Variants in ANKRD12 observed in about 807,000 individuals in gnomAD.
ANKRD12 encodes the protein ankyrin repeat domain-containing protein 12.
A neutral mutation model predicts 183.4 loss-of-function variants in ANKRD12; 85 were observed. The observed-to-expected ratio is 0.46, with a 90% CI of 0.39 to 0.56. The LOEUF (loss-of-function observed/expected upper bound fraction) is 0.56, where lower values mean the gene tolerates loss of function less well. Among genes scored for constraint, ANKRD12 ranks in the 20% least tolerant of loss-of-function variants. The probability of loss-of-function intolerance (pLI) is 0.00; values close to 1 mark genes in which losing one functional copy is unlikely to be tolerated. For missense variants in ANKRD12, 2,405 were observed against 2,357.1 expected, an observed-to-expected ratio of 1.02 and a Z score of -0.42; for synonymous variants, 914 against 800.2, an observed-to-expected ratio of 1.14 and a Z score of -2.40.
At chr18:9,197,041 C>T (rs2034874750) in intron 3 of ANKRD12, among the ~76,000 whole-genome samples, 1 of 152,016 alleles carries the variant, frequency 6.6e-6, no homozygotes, top group Non-Finnish European at 1.5e-5. Context: ...GAGTATATTT[C>T]TGATAGCTGT....
At position 9,178,343 on chromosome 18, in the gene ANKRD12, C is replaced by CTCTCTCTCTCTT. The variant is rs35964343; in HGVS notation, c.-51-4039_-51-4038insTCTCTCTCTCTT. ...AGATTCTCTCTCTCTCTCTCTCTCT[C>CTCTCTCTCTCTT]GTTTTTTGCATTTGGATATACAGTT... On this transcript the variant is annotated intron_variant, in intron 1 of 12. Transcript: ENST00000262126. Among the ~76,000 whole-genome samples the CTCTCTCTCTCTT allele has an allele frequency of 4.1e-3, 613 of 151,110 alleles. 4 individuals carry two copies. The highest frequency in any genetic ancestry group is 0.014 in the African/African-American group (589 of 41,212).
At chr18:9,251,249 C>T (rs2038280089) in intron 8 of ANKRD12, among the ~76,000 whole-genome samples, 1 of 152,108 alleles carries the variant, frequency 6.6e-6, no homozygotes. Flanking sequence ...TGTTATCTCC[C>T]CGCATCAGCC....
intron 2 of ANKRD12, among the ~76,000 whole-genome samples, chr18:9,189,194 A>T (rs959253280): frequency 1.3e-5 from 2 of 152,214 alleles, no homozygotes; most frequent in African/African-American, 4.8e-5. Flanking sequence ...TAGAAGATCA[A>T]ACCAGCTACA....
At chr18:9,246,309 T>G (rs938710568) in intron 8 of ANKRD12, among the ~76,000 whole-genome samples, 5 of 152,318 alleles carry the variant, frequency 3.3e-5, no homozygotes, top group African/African-American at 1.2e-4. Flanking sequence ...CAAATAACTG[T>G]CAATTATGAC....
At chr18:9,265,885 C>T (rs1440713504) in intron 10 of ANKRD12, among the ~76,000 whole-genome samples, 3 of 152,006 alleles carry the variant, frequency 2.0e-5, no homozygotes, top group Non-Finnish European at 4.4e-5. Context: ...AAAGATTAGA[C>T]GAATGGCTAA....
In ANKRD12 at chr18:9,222,679, C is replaced by T. The variant is rs142186914; in HGVS notation, c.943+680C>T. ...TAGGTAATGCTACTTTTATATTACA[C>T]ATGAGGGAATAAAAACCATACTTCA... On this transcript the variant is annotated intron_variant, in intron 8 of 12. Transcript: ENST00000262126. Among the ~76,000 whole-genome samples, 564 of 152,222 alleles carry T rather than the reference C, an allele frequency of 3.7e-3. 6 individuals are homozygous for T. Among genetic ancestry groups the T allele is most frequent in the African/African-American group, 0.013 (543 of 41,528 alleles).
chr18:9,194,327 T>TTTTACTTA (rs2034638128), intron 2 of ANKRD12, among the ~76,000 whole-genome samples: 1 of 144,550 alleles, frequency 6.9e-6, no homozygotes, highest in Non-Finnish European at 1.5e-5. Flanking sequence ...ATATAGATAA[T>TTTTACTTA]TTTATTTATT....
chr18:9,236,723 T>C (rs927929130), intron 8 of ANKRD12, among the ~76,000 whole-genome samples: 3 of 152,240 alleles, frequency 2.0e-5, no homozygotes, highest in Non-Finnish European at 4.4e-5. Context: ...ATAATATTTA[T>C]GCAAATAATA....
chr18:9,252,217 A>G (rs2038337965), intron 8 of ANKRD12, among the ~76,000 whole-genome samples: 1 of 152,146 alleles, frequency 6.6e-6, no homozygotes, highest in African/African-American at 2.4e-5. Context: ...TATGTTCTTG[A>G]GTGATTAAAT....
intron 3 of ANKRD12, among the ~76,000 whole-genome samples, chr18:9,198,127 T>G (rs1178195679): frequency 6.6e-6 from 1 of 152,232 alleles, no homozygotes. Flanking sequence ...TGATCTTTTT[T>G]ATGTAGTATT....
chr18:9,281,646 T>C lies in ANKRD12; in HGVS notation c.*520T>C, dbSNP rs1477587534. On this transcript the variant is annotated 3_prime_UTR_variant, in exon 13 of 13. Coordinates refer to ENST00000262126, the MANE Select transcript of ANKRD12 (RefSeq NM_015208.5). ...TATTGTCTTCCTTTTTAATAACTTA[T>C]TTTATACATATTGTGCAGATGTAAA... 1 of 152,694 alleles carries C rather than the reference T, an allele frequency of 6.5e-6. No homozygotes were observed. Among genetic ancestry groups the C allele is most frequent in the African/African-American group, 2.4e-5 (1 of 41,452 alleles). The allele number at this position is 152,694 out of a possible 1,614,324, so 9.5% of individuals were successfully genotyped here. A position where few individuals can be genotyped will look rare whatever the true frequency, so the allele number is the denominator to read the frequency against.
chr18:9,216,609 ATTTATT>A, intron 6 of ANKRD12, 143 bp from the exon 7 acceptor site: 1 of 718,198 alleles, frequency 1.4e-6, no homozygotes, highest in Non-Finnish European at 2.2e-6. Context: ...TATTGTTCTT[ATTTATT>A]TTTAGTAGCT....
intron 1 of ANKRD12, among the ~76,000 whole-genome samples, chr18:9,143,658 C>T (rs1322268656): frequency 6.6e-6 from 1 of 152,150 alleles, no homozygotes; most frequent in Non-Finnish European, 1.5e-5. Context: ...GATGGGGTTT[C>T]ACTATGTTGG....
In ANKRD12 at chr18:9,258,997, A is replaced by G. The variant is rs796871428; in HGVS notation, c.5664+66A>G. ...CCAATAGAAGTATAATGCTAGCCAC[A>G]TACGTAATTTGAAGTTTTCTAGTAG... is the stretch of plus-strand genomic sequence containing the variant. On this transcript the variant is annotated intron_variant, in intron 9 of 12. Transcript: ENST00000262126. 17 of 1,466,586 alleles carry G rather than the reference A, an allele frequency of 1.2e-5. No homozygotes were observed. In the Middle Eastern group the frequency reaches 1.1e-3, roughly 95 times the overall value. The allele number at this position is 1,466,586 out of a possible 1,614,324, so 90.8% of individuals were successfully genotyped here.
intron 1 of ANKRD12, among the ~76,000 whole-genome samples, chr18:9,158,728 AG>A (rs2030969568): frequency 6.6e-6 from 1 of 152,130 alleles, no homozygotes; most frequent in South Asian, 2.1e-4. Flanking sequence ...TTTGGAAGAA[AG>A]TCACTCTACC....
chr18:9,256,452 A>G lies in ANKRD12; in HGVS notation c.3185A>G (p.Asp1062Gly). Residue 1062 changes from aspartate to glycine, a missense_variant, in exon 9 of 13, where the codon GAT becomes GGT. By Grantham distance (94) the Asp-to-Gly change is moderately conservative. Around this residue, in one of 7 missense-constraint regions of ANKRD12, gnomAD observed 1,983 missense variants for 1,725.9 expected, o/e 1.15. Coordinates refer to ENST00000262126, the MANE Select transcript of ANKRD12 (RefSeq NM_015208.5). The part of the protein sequence containing the change: ...PKPKSSPASK[D>G]TRPKEKRLVN... ...CCTAAGTCATCACCAGCATCAAAAG[A>G]TACCCGACCTAAAGAAAAGAGGTTA... 6.2e-7 allele frequency: 1 copy of G among 1,613,646 alleles called. No homozygotes were observed. The highest frequency in any genetic ancestry group is 8.5e-7 in the Non-Finnish European group (1 of 1,179,868).
intron 6 of ANKRD12, among the ~76,000 whole-genome samples, chr18:9,214,395 T>C (rs927878413): frequency 2.0e-5 from 3 of 152,162 alleles, no homozygotes; most frequent in Non-Finnish European, 4.4e-5. Flanking sequence ...ACTCCTGTAA[T>C]AATTGCATAG....
At chr18:9,186,136 G>GTTTTTTTTT (rs1280812557) in intron 2 of ANKRD12, among the ~76,000 whole-genome samples, 3 of 141,934 alleles carry the variant, frequency 2.1e-5, no homozygotes, top group Non-Finnish European at 4.6e-5. Context: ...CTAAAAGTGT[G>GTTTTTTTTT]ATTTTTTTTT....
intron 1 of ANKRD12, among the ~76,000 whole-genome samples, chr18:9,176,170 C>T (rs1289094283): frequency 1.3e-5 from 2 of 152,156 alleles, no homozygotes; most frequent in African/African-American, 2.4e-5. Flanking sequence ...TGTGAGGAGT[C>T]ACAGATAGGT....
Sources: gnomAD v4.1 joint callset for allele counts (sites outside exome capture counted in the v4.1 genomes callset) on GRCh38, gnomAD v4.1.1 for gene constraint, gnomAD v4.1.1 regional missense constraint, MANE v1.5 for transcripts, NCBI Gene and HGNC (gene_info 2026-07-23, HGNC 2026-07-21) for gene names.